The following APP variants were observed in gnomAD, a reference collection of about 807,000 sequenced individuals.
The protein encoded by APP is amyloid beta precursor protein, also known as amyloid-beta precursor protein.
In APP, 31 loss-of-function variants were observed where a neutral mutation model predicts 101.4. The ratio of observed to expected loss-of-function variants is 0.31; its 90% CI spans 0.23 to 0.41. APP has a LOEUF of 0.41. Among genes scored for constraint, APP ranks in the 10% least tolerant of loss-of-function variants. APP has a pLI of 1.00. For missense variants in APP, 839 were observed against 1,003.7 expected, an observed-to-expected ratio of 0.84 and a Z score of 2.22; for synonymous variants, 366 against 364.4, an observed-to-expected ratio of 1.00 and a Z score of -0.05.
At chr21:26,125,739 T>C (rs1247645762) in intron 1 of APP, among the ~76,000 whole-genome samples, 1 of 152,180 alleles carries the variant, frequency 6.6e-6, no homozygotes, top group Non-Finnish European at 1.5e-5. Context: ...AACATCCCAT[T>C]CTGTCTAGCC....
chr21:25,959,785 A>AG (rs1288219628), intron 11 of APP, among the ~76,000 whole-genome samples: 1 of 152,230 alleles, frequency 6.6e-6, no homozygotes. Context: ...TCAAGGTATT[A>AG]AAGTTAGGCT....
chr21:26,147,194 C>G (rs951161605), intron 1 of APP, among the ~76,000 whole-genome samples: 2 of 152,180 alleles, frequency 1.3e-5, no homozygotes, highest in Non-Finnish European at 2.9e-5. Flanking sequence ...ATCTACTACA[C>G]TTATAAACAC....
At chr21:26,130,142 A>AATAG (rs2146269758) in intron 1 of APP, among the ~76,000 whole-genome samples, 1 of 152,368 alleles carries the variant, frequency 6.6e-6, no homozygotes, top group African/African-American at 2.4e-5. Context: ...AAAAGAAAGG[A>AATAG]ATAGATGGTC....
chr21:26,089,990 T>C lies in APP; in HGVS notation c.308A>G (p.Lys103Arg). 2 of 1,614,244 alleles carry C rather than the reference T, an allele frequency of 1.2e-6. No individual in the cohort carries two copies. Among genetic ancestry groups the C allele is most frequent in the Non-Finnish European group, 1.7e-6 (2 of 1,180,040 alleles). Residue 103 changes from lysine to arginine, a missense_variant, in exon 3 of 18, where the codon AAG becomes AGG. Transcript: ENST00000346798. The stretch of plus-strand genomic sequence containing the variant: ...AAAGTGGGGATGGGTCTTGCACTGC[T>C]TGCGGCCCCGCTTGCACCAGTTCTG... ...TIQNWCKRGR[K>R]QCKTHPHFVI...
rs144201862 is a variant in APP at position 25,953,193 on chromosome 21, A to C, written c.1687+1397T>G. Among the ~76,000 whole-genome samples the C allele has an allele frequency of 6.9e-3, 1,056 of 152,326 alleles. 10 individuals carry two copies. The highest frequency in any genetic ancestry group is 0.012 in the Non-Finnish European group (791 of 68,034). ...GGTGATCTGCTCACCTTGGCCTCCCAAAGTTCTGGGACACTGCACCTCCCT... is the reference window on the plus strand; with the variant it reads ...GGTGATCTGCTCACCTTGGCCTCCCCAAGTTCTGGGACACTGCACCTCCCT... On this transcript the variant is annotated intron_variant, in intron 13 of 17. Coordinates refer to ENST00000346798, the MANE Select transcript of APP (RefSeq NM_000484.4).
chr21:26,042,508 C>A (rs1434942656), intron 5 of APP, among the ~76,000 whole-genome samples: 1 of 152,166 alleles, frequency 6.6e-6, no homozygotes, highest in African/African-American at 2.4e-5. Flanking sequence ...GCACAATGAC[C>A]ATAATTAAAT....
intron 13 of APP, among the ~76,000 whole-genome samples, chr21:25,915,575 T>C (rs1237366818): frequency 6.6e-6 from 1 of 152,250 alleles, no homozygotes; most frequent in African/African-American, 2.4e-5. Context: ...TAGCAGTCTC[T>C]TCCACCCTTG....
intron 1 of APP, among the ~76,000 whole-genome samples, chr21:26,167,276 G>A (rs750737430): frequency 3.9e-5 from 6 of 152,190 alleles, no homozygotes; most frequent in Non-Finnish European, 8.8e-5. Flanking sequence ...GAGGGAAGGG[G>A]AGGTAATGAG....
chr21:25,948,319 C>T (rs1291943773), intron 13 of APP, among the ~76,000 whole-genome samples: 2 of 152,140 alleles, frequency 1.3e-5, no homozygotes, highest in African/African-American at 4.8e-5. Flanking sequence ...CCCAAATCAA[C>T]AGGCTTATTA....
intron 13 of APP, among the ~76,000 whole-genome samples, chr21:25,946,161 C>G (rs147177329): frequency 1.3e-5 from 2 of 152,080 alleles, no homozygotes; most frequent in East Asian, 3.9e-4. Context: ...AACCTTGTTT[C>G]GGACAATGGT....
intron 2 of APP, among the ~76,000 whole-genome samples, chr21:26,110,152 T>C (rs1214259724): frequency 6.6e-6 from 1 of 152,146 alleles, no homozygotes; most frequent in Non-Finnish European, 1.5e-5. Flanking sequence ...CTTGTAAAAA[T>C]ACATATAATG....
At chr21:26,127,782 T>A (rs2062714384) in intron 1 of APP, among the ~76,000 whole-genome samples, 1 of 152,230 alleles carries the variant, frequency 6.6e-6, no homozygotes, top group African/African-American at 2.4e-5. Context: ...CAGGATATTA[T>A]GAGGATTAAA....
At chr21:26,045,204 C>G (rs2146881970) in intron 5 of APP, among the ~76,000 whole-genome samples, 1 of 151,738 alleles carries the variant, frequency 6.6e-6, no homozygotes, top group South Asian at 2.1e-4. Context: ...TATATTCTCT[C>G]TTCAATAAAA....
At chr21:25,905,139 G>A (rs1216845696) in intron 14 of APP, 62 bp from the exon 15 acceptor site, 4 of 1,415,932 alleles carry the variant, frequency 2.8e-6, no homozygotes, top group Non-Finnish European at 4.0e-6. Context: ...GTAAGTCGTG[G>A]CTCCCAAACA....
intron 3 of APP, among the ~76,000 whole-genome samples, chr21:26,088,239 C>T (rs1232119021): frequency 6.6e-6 from 1 of 152,166 alleles, no homozygotes; most frequent in Non-Finnish European, 1.5e-5. Context: ...ATATTTGCTA[C>T]AACAACTGGC....
chr21:26,080,746 G>A (rs1601410158), intron 3 of APP, among the ~76,000 whole-genome samples: 1 of 151,000 alleles, frequency 6.6e-6, no homozygotes, highest in South Asian at 2.1e-4. Context: ...CTCCAGCCTG[G>A]GCGACGAAGC....
At chr21:26,101,564 T>C (rs1016901088) in intron 2 of APP, among the ~76,000 whole-genome samples, 4 of 152,188 alleles carry the variant, frequency 2.6e-5, no homozygotes, top group Non-Finnish European at 5.9e-5. Flanking sequence ...GCAGCCTTCC[T>C]GGACTGCTCG....
chr21:25,992,713 T>A (rs942102316), intron 8 of APP, among the ~76,000 whole-genome samples: 13 of 152,214 alleles, frequency 8.5e-5, no homozygotes, highest in African/African-American at 3.1e-4. Context: ...TTCACACTTG[T>A]TAATCTGATA....
intron 1 of APP, among the ~76,000 whole-genome samples, chr21:26,147,864 C>A (rs555828690): frequency 1.3e-5 from 2 of 151,150 alleles, no homozygotes; most frequent in African/African-American, 2.4e-5. Flanking sequence ...CCCTCCCCAA[C>A]CCCCCCAAAA....
Sources: allele counts gnomAD v4.1 joint callset (sites outside exome capture counted in the v4.1 genomes callset), GRCh38; gene constraint gnomAD v4.1.1; transcripts MANE v1.5; gene names NCBI Gene and HGNC (gene_info 2026-07-23, HGNC 2026-07-21).